The following STX6 variants were observed in gnomAD, a reference collection of about 807,000 sequenced individuals.
The protein encoded by STX6 is syntaxin 6, also known as syntaxin-6.
Under a neutral mutation model 38.0 loss-of-function variants are expected in STX6, and 23 were observed. The observed-to-expected ratio is 0.60, with a 90% CI of 0.43 to 0.86. The LOEUF (loss-of-function observed/expected upper bound fraction) is 0.86. STX6 is among the 40% of genes least tolerant of loss of function. The pLI is 0.00. For synonymous variants in STX6, 123 were observed against 107.5 expected, an observed-to-expected ratio of 1.14 and a Z score of -0.89; for missense variants, 274 against 312.9, an observed-to-expected ratio of 0.88 and a Z score of 0.94.
At chr1:180,984,089 A>AAAAAAAAC (rs141306282) in intron 7 of STX6, among the ~76,000 whole-genome samples, 24 of 97,016 alleles carry the variant, frequency 2.5e-4, no homozygotes, top group Middle Eastern at 5.4e-3. Flanking sequence ...AAAAAAAAAA[A>AAAAAAAAC]ACACAACGAA....
At chr1:180,984,013 G>A (rs1268998397) in intron 7 of STX6, among the ~76,000 whole-genome samples, 6 of 120,960 alleles carry the variant, frequency 5.0e-5, no homozygotes, top group Middle Eastern at 6.5e-3. Context: ...GCAGTGAGCC[G>A]AGATTACGCC....
intron 1 of STX6, among the ~76,000 whole-genome samples, chr1:181,018,388 CAAAAAAAAAAA>C (rs34962747): frequency 1.2e-4 from 5 of 43,048 alleles, no homozygotes; most frequent in African/African-American, 2.7e-4. Context: ...GACTCTGTCC[CAAAAAAAAAAA>C]AAAAAAAAAA....
chr1:180,990,025 C>T lies in STX6; in HGVS notation c.448G>A (p.Ala150Thr), dbSNP rs1655707564. 1 of 1,613,932 alleles carries T rather than the reference C, an allele frequency of 6.2e-7. No homozygotes were observed. The highest frequency in any genetic ancestry group is 8.5e-7 in the Non-Finnish European group (1 of 1,180,028). ...YGRLDRELQRANSHFIEEQQA... is the reference protein window; with the variant it reads ...YGRLDRELQRTNSHFIEEQQA... ...TGCTCCTCAATGAAATGAGAATTGG[C>T]TCTCTGGAGCTCTCGGTCCAGACGC... Residue 150 changes from alanine (A) to threonine (T), a missense_variant, in exon 5 of 8, where the codon GCC (alanine) becomes ACC (threonine). Physicochemically the swap from Ala to Thr is moderately conservative, Grantham distance 58. Transcript: ENST00000258301.
intron 4 of STX6, among the ~76,000 whole-genome samples, chr1:180,990,927 C>A (rs1293584404): frequency 6.6e-6 from 1 of 152,182 alleles, no homozygotes; most frequent in Non-Finnish European, 1.5e-5. Flanking sequence ...TGACCAGATC[C>A]CCACAAGCCT....
At chr1:180,984,616 A>G in intron 7 of STX6, 61 bp downstream of exon 7, 1 of 678,206 alleles carries the variant, frequency 1.5e-6, no homozygotes, top group Non-Finnish European at 2.6e-6. Context: ...ATGAGACAAC[A>G]CCCCCAAGAC....
At chr1:180,989,963 A>C (rs1453273001) in intron 5 of STX6, 21 bp downstream of exon 5, 4 of 1,612,864 alleles carry the variant, frequency 2.5e-6, no homozygotes, top group Non-Finnish European at 2.5e-6. Context: ...GCCCGTCCTA[A>C]GTCTGGGGTC....
intron 7 of STX6, among the ~76,000 whole-genome samples, chr1:180,977,011 A>C (rs1453702525): frequency 6.6e-6 from 1 of 152,244 alleles, no homozygotes; most frequent in Non-Finnish European, 1.5e-5. Flanking sequence ...AATCTCCCAT[A>C]AAAGTCAAGT....
chr1:180,992,766 C>T (rs991310321), intron 4 of STX6, among the ~76,000 whole-genome samples: 2 of 152,284 alleles, frequency 1.3e-5, no homozygotes, highest in African/African-American at 4.8e-5. Flanking sequence ...TATCAATATG[C>T]CAAAGTATGT....
Position 180,977,063 on chromosome 1 carries a change from C to T in STX6, c.692-417G>A, listed in dbSNP as rs1187987034. Among the ~76,000 whole-genome samples the T allele has an allele frequency of 2.6e-5, 4 of 152,246 alleles. No individual in the cohort carries two copies. The East Asian group carries it at 7.7e-4, about 29-fold the overall frequency. On this transcript the variant is annotated intron_variant, in intron 7 of 7. Coordinates refer to ENST00000258301, the MANE Select transcript of STX6 (RefSeq NM_005819.6). ...AATCACATTCTTTTCTCAATGAGCA[C>T]AACGGGAGGAGGGAAAGGAGATGAA...
chr1:180,988,439 T>C (rs921731137), intron 5 of STX6, 94 bp from the exon 6 acceptor site: 7 of 934,198 alleles, frequency 7.5e-6, no homozygotes, highest in Non-Finnish European at 1.2e-5. Context: ...TTTGCCAACT[T>C]GGGACAATTC....
intron 2 of STX6, among the ~76,000 whole-genome samples, chr1:181,004,094 C>T (rs781417746): frequency 2.6e-5 from 4 of 152,156 alleles, no homozygotes; most frequent in Non-Finnish European, 4.4e-5. Flanking sequence ...AAACTCTTTA[C>T]CTGTATAATC....
chr1:181,001,424 T>C (rs1358900611), intron 3 of STX6, among the ~76,000 whole-genome samples: 1 of 152,250 alleles, frequency 6.6e-6, no homozygotes, highest in Non-Finnish European at 1.5e-5. Context: ...TTGTACTTAA[T>C]ATTTTTTCTC....
intron 5 of STX6, 98 bp from the exon 6 acceptor site, chr1:180,988,443 ACAATT>A: frequency 1.1e-6 from 1 of 873,340 alleles, no homozygotes; most frequent in Non-Finnish European, 1.8e-6. Flanking sequence ...CCAACTTGGG[ACAATT>A]CACATTCAGA....
chr1:180,989,019 C>T (rs1003455076), intron 5 of STX6: 1 of 152,180 alleles, frequency 6.6e-6, no homozygotes, highest in Non-Finnish European at 1.5e-5. Flanking sequence ...ATACATAAAA[C>T]ACAATATTTA....
Position 180,972,845 on chromosome 1 carries a change from G to A in STX6, c.*3725C>T. On this transcript the variant is annotated 3_prime_UTR_variant, in exon 8 of 8. Coordinates refer to ENST00000258301, the MANE Select transcript of STX6 (RefSeq NM_005819.6). Reference sequence around the variant, plus strand: ...AGCTACTGAAAGGTACCTGCTTTCAGCAAATTCTGGTTTGGTTTTATTTTT... The same window carrying A: ...AGCTACTGAAAGGTACCTGCTTTCAACAAATTCTGGTTTGGTTTTATTTTT... 1.0e-5 allele frequency: 2 copies of A among 195,262 alleles called. No individual in the cohort carries two copies. The highest frequency in any genetic ancestry group is 7.5e-5 in the South Asian group (1 of 13,338). The allele number at this position is 195,262 out of a possible 1,614,324, so 12.1% of individuals were successfully genotyped here.
intron 1 of STX6, among the ~76,000 whole-genome samples, chr1:181,011,369 C>A (rs1272651314): frequency 6.6e-6 from 1 of 152,186 alleles, no homozygotes; most frequent in Non-Finnish European, 1.5e-5. Context: ...AACTGTTCTT[C>A]CAATATCATT....
intron 6 of STX6, 81 bp from the exon 7 acceptor site, chr1:180,984,852 C>G: frequency 1.7e-6 from 1 of 573,350 alleles, no homozygotes; most frequent in South Asian, 2.3e-5. Flanking sequence ...AAGGACCAGG[C>G]CTCCATTTTA....
At chr1:180,988,371 G>A in intron 5 of STX6, 26 bp from the exon 6 acceptor site, 1 of 1,583,614 alleles carries the variant, frequency 6.3e-7, no homozygotes, top group Non-Finnish European at 8.7e-7. Context: ...TGGGAAATAA[G>A]CAATTAAAAT....
At chr1:180,981,091 A>G (rs916114403) in intron 7 of STX6, among the ~76,000 whole-genome samples, 1 of 152,346 alleles carries the variant, frequency 6.6e-6, no homozygotes, top group East Asian at 1.9e-4. Context: ...TGATGCTACA[A>G]TGATGGATAC....
Sources: gnomAD v4.1 joint callset for allele counts (sites outside exome capture counted in the v4.1 genomes callset) on GRCh38, gnomAD v4.1.1 for gene constraint, MANE v1.5 for transcripts, NCBI Gene and HGNC (gene_info 2026-07-23, HGNC 2026-07-21) for gene names.